The following RP1 variants were observed in gnomAD, a reference collection of about 807,000 sequenced individuals.
The protein encoded by RP1 is RP1 axonemal microtubule associated.
Under a neutral mutation model 14.8 loss-of-function variants are expected in RP1, and 16 were observed. That is an observed-to-expected ratio of 1.08 (90% CI 0.73 to 1.65). The LOEUF (loss-of-function observed/expected upper bound fraction) is 1.65. Ranked by LOEUF, RP1 falls within the 40% of genes most tolerant of loss-of-function variation. The pLI, the probability that RP1 is intolerant of heterozygous loss-of-function variation, is 0.00. For synonymous variants in RP1, 876 were observed against 883.6 expected, an observed-to-expected ratio of 0.99 and a Z score of 0.15; for missense variants, 2,631 against 2,535.0, an observed-to-expected ratio of 1.04 and a Z score of -0.81.
At chr8:54,609,466 A>T (rs424388) in intron 1 of RP1, among the ~76,000 whole-genome samples, 17 of 151,992 alleles carry the variant, frequency 1.1e-4, no homozygotes, top group African/African-American at 3.1e-4. Flanking sequence ...ACAAACCAAA[A>T]GAAAACCGAA....
chr8:54,703,056 C>T (rs548530639), intron 14 of RP1, among the ~76,000 whole-genome samples: 3 of 152,246 alleles, frequency 2.0e-5, no homozygotes, highest in East Asian at 1.9e-4. Context: ...AAATCGTTCA[C>T]GAGGTTTCAA....
intron 19 of RP1, among the ~76,000 whole-genome samples, chr8:54,744,182 A>C (rs1310161174): frequency 6.6e-6 from 1 of 152,182 alleles, no homozygotes; most frequent in Admixed American, 6.5e-5. Context: ...ATTTAGGAAA[A>C]AGATATGACC....
chr8:54,745,701 G>GTT (rs1231641978), intron 19 of RP1, among the ~76,000 whole-genome samples: 7 of 149,198 alleles, frequency 4.7e-5, no homozygotes, highest in Non-Finnish European at 7.4e-5. Flanking sequence ...TCCAAGCACT[G>GTT]TGTTTGTTTG....
In RP1 at chr8:54,624,794, G is replaced by A; in HGVS notation, c.912G>A (p.Lys304=). The part of the protein sequence containing the change: ...FVPEKYLALE[K]NDSQNLPIYP... Reference sequence around the variant, plus strand: ...CTGAAAAGTACTTGGCCTTAGAAAAGAATGATTCTCAGAATTTACCAATAT... The same window carrying A: ...CTGAAAAGTACTTGGCCTTAGAAAAAAATGATTCTCAGAATTTACCAATAT... The change falls in exon 4 of 4, where the codon AAG becomes AAA. Residue 304 remains lysine, a synonymous_variant. Transcript: ENST00000220676. The A allele has an allele frequency of 6.2e-7, 1 of 1,613,986 alleles. No individual in the cohort carries two copies. Among genetic ancestry groups the A allele is most frequent in the Non-Finnish European group, 8.5e-7 (1 of 1,179,970 alleles).
At chr8:54,621,891 G>A (rs1269960822) in intron 2 of RP1, among the ~76,000 whole-genome samples, 1 of 152,108 alleles carries the variant, frequency 6.6e-6, no homozygotes, top group African/African-American at 2.4e-5. Flanking sequence ...TTTCACAGAG[G>A]AAGCATTTTC....
At chr8:54,641,394 G>A (rs1181640535) in intron 3 of RP1, among the ~76,000 whole-genome samples, 2 of 152,042 alleles carry the variant, frequency 1.3e-5, no homozygotes, top group Non-Finnish European at 2.9e-5. Flanking sequence ...CTCTAATTTT[G>A]TATATTAGGA....
intron 6 of RP1, among the ~76,000 whole-genome samples, chr8:54,660,230 A>T (rs1019939064): frequency 1.3e-5 from 2 of 152,134 alleles, no homozygotes; most frequent in Admixed American, 6.5e-5. Flanking sequence ...AATAGAAATG[A>T]TGAGAGTGGG....
chr8:54,772,194 C>T (rs1328237051), downstream of RP1, among the ~76,000 whole-genome samples: 2 of 151,982 alleles, frequency 1.3e-5, no homozygotes, highest in African/African-American at 4.8e-5. Flanking sequence ...CATAGCAAAA[C>T]TAACTACATT....
chr8:54,572,312 T>A (rs561057987), intron 1 of RP1, among the ~76,000 whole-genome samples: 2 of 152,372 alleles, frequency 1.3e-5, no homozygotes, highest in South Asian at 2.1e-4. Flanking sequence ...AGAACCCCAA[T>A]CACAGGAGTT....
At chr8:54,830,521 T>C (rs1811494486) in intron 24 of RP1, among the ~76,000 whole-genome samples, 1 of 152,202 alleles carries the variant, frequency 6.6e-6, no homozygotes, top group Admixed American at 6.5e-5. Flanking sequence ...AGATTTCTTA[T>C]GCTTTGTGTT....
chr8:54,665,082 T>C (rs1241556961), intron 7 of RP1, among the ~76,000 whole-genome samples: 1 of 152,210 alleles, frequency 6.6e-6, no homozygotes, highest in African/African-American at 2.4e-5. Flanking sequence ...AACCTTTGTA[T>C]TTCCTCTTTG....
intron 1 of RP1, among the ~76,000 whole-genome samples, chr8:54,592,249 T>G (rs1036696494): frequency 6.6e-6 from 1 of 152,300 alleles, no homozygotes; most frequent in Middle Eastern, 3.4e-3. Context: ...TTCTTTCCAT[T>G]AAGGGCACAG....
chr8:54,668,686 C>A (rs1807074597), intron 7 of RP1, among the ~76,000 whole-genome samples: 1 of 152,096 alleles, frequency 6.6e-6, no homozygotes, highest in Admixed American at 6.6e-5. Flanking sequence ...AGATATAGAC[C>A]AATGGAACAG....
intron 24 of RP1, among the ~76,000 whole-genome samples, chr8:54,811,609 G>A (rs779286161): frequency 1.3e-5 from 2 of 152,154 alleles, no homozygotes; most frequent in African/African-American, 2.4e-5. Flanking sequence ...GACAGACATA[G>A]GACTTCAAAT....
rs68010428 is a variant in RP1 at position 54,838,710 on chromosome 8, A to AGT, written c.3835+1056_3835+1057dup. Reference sequence around the variant, plus strand: ...ATATGTGAAAAAGTCTGTGTGTATGAGTGTGTGTGTGTGTGTATTCTTAGT... The same window carrying AGT: ...ATATGTGAAAAAGTCTGTGTGTATGAGTGTGTGTGTGTGTGTGTATTCTTAGT... On this transcript the variant is annotated intron_variant, in intron 25 of 28. Coordinates refer to the RP1 transcript ENST00000637698. Among the ~76,000 whole-genome samples, 341 of 150,882 alleles carry AGT rather than the reference A, an allele frequency of 2.3e-3. 2 individuals are homozygous for AGT. The highest frequency in any genetic ancestry group is 0.012 in the South Asian group (58 of 4,754).
intron 25 of RP1, among the ~76,000 whole-genome samples, chr8:54,839,847 A>G (rs924954583): frequency 1.5e-4 from 23 of 152,226 alleles, no homozygotes; most frequent in Admixed American, 4.6e-4. Context: ...TGATAAATGT[A>G]GAATAATACT....
At chr8:54,758,441 T>G (rs1809560626) in intron 21 of RP1, among the ~76,000 whole-genome samples, 1 of 121,796 alleles carries the variant, frequency 8.2e-6, no homozygotes, top group Non-Finnish European at 1.6e-5. Flanking sequence ...AAGGATGTAT[T>G]GAAGGAGGGA....
intron 19 of RP1, among the ~76,000 whole-genome samples, chr8:54,750,131 G>A (rs1197606270): frequency 2.0e-5 from 3 of 152,094 alleles, no homozygotes; most frequent in Non-Finnish European, 4.4e-5. Flanking sequence ...TTTTCCTTGG[G>A]CATTCTCTAG....
chr8:54,661,652 G>T (rs900356711), intron 6 of RP1, among the ~76,000 whole-genome samples: 5 of 152,102 alleles, frequency 3.3e-5, no homozygotes, highest in African/African-American at 1.2e-4. Flanking sequence ...GATGGAGCTG[G>T]TGTGGGAGGG....
Sources: gnomAD v4.1 joint callset for allele counts (sites outside exome capture counted in the v4.1 genomes callset) on GRCh38, gnomAD v4.1.1 for gene constraint, MANE v1.5 for transcripts, NCBI Gene and HGNC (gene_info 2026-07-23, HGNC 2026-07-21) for gene names.